Variants in RTRAF observed in about 807,000 individuals in gnomAD.
RTRAF encodes tRNA-splicing ligase complex subunit RTRAF.
Under a neutral mutation model 34.4 loss-of-function variants are expected in RTRAF, and 14 were observed. The observed-to-expected ratio is 0.41, with a 90% CI of 0.27 to 0.64. The LOEUF (loss-of-function observed/expected upper bound fraction) is 0.64, where lower values mean the gene tolerates loss of function less well. Among genes scored for constraint, RTRAF ranks in the 30% least tolerant of loss-of-function variants. The probability of loss-of-function intolerance (pLI) is 0.34; values close to 1 mark genes in which losing one functional copy is unlikely to be tolerated. For missense variants in RTRAF, 291 were observed against 288.4 expected (o/e 1.01, Z -0.06); for synonymous variants, 96 against 95.3 (o/e 1.01, Z -0.04).
In RTRAF at chr14:52,009,077, T is replaced by G. The variant is rs1890908371; in HGVS notation, c.*4561T>G. The G allele has an allele frequency of 2.0e-5, 3 of 152,194 alleles. No individual in the cohort carries two copies. The highest frequency in any genetic ancestry group is 7.2e-5 in the African/African-American group (3 of 41,430). The allele number at this position is 152,194 out of a possible 1,614,324, so 9.4% of individuals were successfully genotyped here. On this transcript the variant is annotated 3_prime_UTR_variant, in exon 8 of 8. Transcript: ENST00000261700. ...CTATAGAAGCTTTGAATAAATCAGT[T>G]GGGCTACAGAGAACCTCAGTGAGAG... is the stretch of plus-strand genomic sequence containing the variant.
rs1451146657 is a variant in RTRAF at position 52,010,529 on chromosome 14, CT to C, written c.*6015del. Reference sequence around the variant, plus strand: ...TAAATGTGCTGCTGGAGGAATCCCACTTCACTTCCAGTTTAAGTGTCAGCTG... The same window carrying C: ...TAAATGTGCTGCTGGAGGAATCCCACTCACTTCCAGTTTAAGTGTCAGCTG... On this transcript the variant is annotated 3_prime_UTR_variant, in exon 8 of 8. Coordinates refer to ENST00000261700, the MANE Select transcript of RTRAF (RefSeq NM_016039.3). 2 of 179,744 alleles carry C rather than the reference CT, an allele frequency of 1.1e-5. No homozygotes were observed. The highest frequency in any genetic ancestry group is 1.1e-4 in the Admixed American group (2 of 18,180). 11.1% of individuals were successfully genotyped at this position (179,744 alleles called of 1,614,324 possible). A position where few individuals can be genotyped will look rare whatever the true frequency, so the allele number is the denominator to read the frequency against.
intron 5 of RTRAF, among the ~76,000 whole-genome samples, chr14:52,001,304 A>C (rs1293362739): frequency 6.6e-6 from 1 of 152,216 alleles, no homozygotes; most frequent in Non-Finnish European, 1.5e-5. Context: ...TAAAACCACC[A>C]ACGGTGTCCT....
rs1164671897 is a variant in RTRAF at position 52,008,787 on chromosome 14, G to T, written c.*4271G>T. On this transcript the variant is annotated 3_prime_UTR_variant, in exon 8 of 8. Transcript: ENST00000261700. Reference sequence around the variant, plus strand: ...GGAACTTGAAGAGATGTGGACCAGGGATTTGAGAAGGAAACTGTTCTTTCT... The same window carrying T: ...GGAACTTGAAGAGATGTGGACCAGGTATTTGAGAAGGAAACTGTTCTTTCT... The T allele has an allele frequency of 6.6e-6, 1 of 152,190 alleles. No individual in the cohort carries two copies. Among genetic ancestry groups the T allele is most frequent in the African/African-American group, 2.4e-5 (1 of 41,448 alleles). 9.4% of individuals were successfully genotyped at this position (152,190 alleles called of 1,614,324 possible). A position where few individuals can be genotyped will look rare whatever the true frequency, so the allele number is the denominator to read the frequency against.
intron 3 of RTRAF, among the ~76,000 whole-genome samples, chr14:51,996,689 A>G (rs1265153598): frequency 6.6e-6 from 1 of 152,044 alleles, no homozygotes; most frequent in Non-Finnish European, 1.5e-5. Flanking sequence ...AACACTTTAA[A>G]GTGCATTTCC....
Position 52,010,273 on chromosome 14 carries a change from C to T in RTRAF, c.*5757C>T, listed in dbSNP as rs1183179694. On this transcript the variant is annotated 3_prime_UTR_variant, in exon 8 of 8. Coordinates refer to ENST00000261700, the MANE Select transcript of RTRAF (RefSeq NM_016039.3). ...GGAATTTCATTTCGTAGAAACTCCA[C>T]TTAAACATGGCAAGAGTTTCTCAAG... is the stretch of plus-strand genomic sequence containing the variant. The T allele has an allele frequency of 6.6e-6, 1 of 152,250 alleles. No homozygotes were observed. The highest frequency in any genetic ancestry group is 1.5e-5 in the Non-Finnish European group (1 of 68,054). The allele number at this position is 152,250 out of a possible 1,614,324, so 9.4% of individuals were successfully genotyped here.
intron 6 of RTRAF, among the ~76,000 whole-genome samples, chr14:52,003,406 G>C (rs1356302518): frequency 6.6e-6 from 1 of 152,128 alleles, no homozygotes; most frequent in Non-Finnish European, 1.5e-5. Flanking sequence ...AAAGCAGACA[G>C]AGCCTACGTA....
chr14:51,998,595 G>T lies in RTRAF; in HGVS notation c.373+15G>T. On this transcript the variant is annotated intron_variant, in intron 4 of 7. Transcript: ENST00000261700. ...CAATTTGGATGGTGAGTATATAAAT[G>T]CATAACATTGAACATCAACATTTTT... The T allele has an allele frequency of 6.6e-7, 1 of 1,505,644 alleles. No homozygotes were observed. Among genetic ancestry groups the T allele is most frequent in the Non-Finnish European group, 9.0e-7 (1 of 1,105,668 alleles). The allele number at this position is 1,505,644 out of a possible 1,614,324, so 93.3% of individuals were successfully genotyped here.
At chr14:52,004,028 A>T (rs1335766316) in intron 6 of RTRAF, 166 bp from the exon 7 acceptor site, 2 of 649,140 alleles carry the variant, frequency 3.1e-6, no homozygotes, top group East Asian at 5.2e-5. Flanking sequence ...AAAACTCGCT[A>T]ATCACAATCA....
At chr14:51,996,559 C>A (rs867050033) in intron 3 of RTRAF, among the ~76,000 whole-genome samples, 3 of 152,008 alleles carry the variant, frequency 2.0e-5, no homozygotes, top group African/African-American at 4.8e-5. Context: ...TCATATACCT[C>A]AAGTCTACAA....
intron 6 of RTRAF, among the ~76,000 whole-genome samples, chr14:52,002,996 A>G (rs946121365): frequency 1.2e-3 from 10 of 8,488 alleles, no homozygotes; most frequent in African/African-American, 2.5e-3. Context: ...TAATAAAGTC[A>G]ATCATTCATT....
intron 5 of RTRAF, among the ~76,000 whole-genome samples, chr14:52,001,419 A>G (rs944434302): frequency 1.3e-5 from 2 of 152,154 alleles, no homozygotes; most frequent in African/African-American, 4.8e-5. Flanking sequence ...TATTCGTGCT[A>G]AGCATGCTCG....
chr14:52,006,264 C>T lies in RTRAF; in HGVS notation c.*1748C>T. Reference sequence around the variant, plus strand: ...AAGAACATATTTAGATTAATATGCTCCCTTTTGAGACATTATCCAATAGCT... The same window carrying T: ...AAGAACATATTTAGATTAATATGCTTCCTTTTGAGACATTATCCAATAGCT... On this transcript the variant is annotated 3_prime_UTR_variant, in exon 8 of 8. Coordinates refer to ENST00000261700, the MANE Select transcript of RTRAF (RefSeq NM_016039.3). 1 of 424,162 alleles carries T rather than the reference C, an allele frequency of 2.4e-6. No homozygotes were observed. Among genetic ancestry groups the T allele is most frequent in the Non-Finnish European group, 4.3e-6 (1 of 231,538 alleles). 26.3% of individuals were successfully genotyped at this position (424,162 alleles called of 1,614,324 possible). A position where few individuals can be genotyped will look rare whatever the true frequency, so the allele number is the denominator to read the frequency against.
At position 52,006,429 on chromosome 14, in the gene RTRAF, T is replaced by C. The variant is rs1890784974; in HGVS notation, c.*1913T>C. 1 of 1,280,148 alleles carries C rather than the reference T, an allele frequency of 7.8e-7. No homozygotes were observed. The highest frequency in any genetic ancestry group is 1.1e-6 in the Non-Finnish European group (1 of 913,842). The allele number at this position is 1,280,148 out of a possible 1,614,324, so 79.3% of individuals were successfully genotyped here. Reference sequence around the variant, plus strand: ...ATGAGGAGGTGATGAAACAAAAGCCTCAGAGGGCTTAATGAGTCAAGTCAG... The same window carrying C: ...ATGAGGAGGTGATGAAACAAAAGCCCCAGAGGGCTTAATGAGTCAAGTCAG... On this transcript the variant is annotated 3_prime_UTR_variant, in exon 8 of 8. Transcript: ENST00000261700.
chr14:51,993,009 A>G (rs1051480592), intron 2 of RTRAF, among the ~76,000 whole-genome samples: 4 of 152,194 alleles, frequency 2.6e-5, no homozygotes, highest in African/African-American at 9.7e-5. Context: ...CAGCCTGGGC[A>G]ACAGAACAAG....
chr14:52,006,578 G>A lies in RTRAF; in HGVS notation c.*2062G>A, dbSNP rs769625281. 53 of 1,613,696 alleles carry A rather than the reference G, an allele frequency of 3.3e-5. No homozygotes were observed. The highest frequency in any genetic ancestry group is 9.9e-5 in the South Asian group (9 of 91,072). On this transcript the variant is annotated 3_prime_UTR_variant, in exon 8 of 8. Coordinates refer to ENST00000261700, the MANE Select transcript of RTRAF (RefSeq NM_016039.3). ...GGTAGAAGTGATCTGCATAGCTTAC[G>A]ATGCTGAAGGGGTACTTGAGGTTGT...
chr14:51,994,100 A>G (rs1226021266), intron 3 of RTRAF, among the ~76,000 whole-genome samples: 1 of 152,222 alleles, frequency 6.6e-6, no homozygotes, highest in African/African-American at 2.4e-5. Context: ...TTCAAATTAA[A>G]TTGTTTTTAG....
intron 5 of RTRAF, 27 bp downstream of exon 5, chr14:51,999,823 C>G (rs746000691): frequency 6.6e-7 from 1 of 1,510,128 alleles, no homozygotes. Flanking sequence ...TGATTCTTGA[C>G]AGAAACTGTG....
intron 3 of RTRAF, 177 bp from the exon 4 acceptor site, chr14:51,998,317 T>C (rs555138778): frequency 1.1e-4 from 50 of 470,578 alleles, no homozygotes; most frequent in Non-Finnish European, 1.7e-4. Context: ...AAATATCCCA[T>C]TTTATATATG....
rs1211976239 is a variant in RTRAF, at chr14:52,010,668, TA to T, written c.*6154del. The T allele has an allele frequency of 1.9e-6, 1 of 525,724 alleles. No homozygotes were observed. The highest frequency in any genetic ancestry group is 3.4e-6 in the Non-Finnish European group (1 of 293,556). The allele number at this position is 525,724 out of a possible 1,614,324, so 32.6% of individuals were successfully genotyped here. A position where few individuals can be genotyped will look rare whatever the true frequency, so the allele number is the denominator to read the frequency against. On this transcript the variant is annotated 3_prime_UTR_variant, in exon 8 of 8. Coordinates refer to ENST00000261700, the MANE Select transcript of RTRAF (RefSeq NM_016039.3). Reference sequence around the variant, plus strand: ...TGTTTATACCAGTCTTGTTTCCTCCTAATAAAATATAAGTGCCATGAAAGAA... The same window carrying T: ...TGTTTATACCAGTCTTGTTTCCTCCTATAAAATATAAGTGCCATGAAAGAA...
Sources: allele counts gnomAD v4.1 joint callset (sites outside exome capture counted in the v4.1 genomes callset), GRCh38; gene constraint gnomAD v4.1.1; transcripts MANE v1.5; gene names NCBI Gene and HGNC (gene_info 2026-07-23, HGNC 2026-07-21).